DDX10: variants seen among roughly 807,000 people sequenced by gnomAD.
DDX10 encodes probable ATP-dependent RNA helicase DDX10.
DDX10 carries 74 observed loss-of-function variants against 104.3 expected under a neutral mutation model. The observed-to-expected ratio is 0.71, with a 90% CI of 0.59 to 0.86. The LOEUF is 0.86. DDX10 is among the 40% of genes least tolerant of loss of function. The probability of loss-of-function intolerance (pLI) is 0.00; values close to 1 mark genes in which losing one functional copy is unlikely to be tolerated. For synonymous variants in DDX10, 351 were observed against 353.4 expected (o/e 0.99, Z 0.08); for missense variants, 952 against 1,040.0 (o/e 0.92, Z 1.16).
At chr11:108,808,832 A>T (rs1284028531) in intron 13 of DDX10, among the ~76,000 whole-genome samples, 1 of 152,188 alleles carries the variant, frequency 6.6e-6, no homozygotes, top group African/African-American at 2.4e-5. Flanking sequence ...AATATATTTT[A>T]TTGAATGTGA....
chr11:108,904,816 A>G (rs867123025), intron 16 of DDX10, among the ~76,000 whole-genome samples: 28 of 152,124 alleles, frequency 1.8e-4, no homozygotes, highest in South Asian at 1.2e-3. Flanking sequence ...TACTAACTCC[A>G]TGGCTATTTT....
intron 13 of DDX10, among the ~76,000 whole-genome samples, chr11:108,831,425 A>G (rs965762739): frequency 5.3e-5 from 8 of 149,602 alleles, no homozygotes; most frequent in South Asian, 2.1e-4. Flanking sequence ...CTGTCTCAAA[A>G]AAAAAAAAAA....
chr11:108,866,194 C>A (rs1863006139), intron 16 of DDX10, among the ~76,000 whole-genome samples: 1 of 152,116 alleles, frequency 6.6e-6, no homozygotes, highest in East Asian at 1.9e-4. Context: ...GTCACAAATC[C>A]TGGGGAACAG....
chr11:108,670,799 AT>A (rs200494978), intron 1 of DDX10, among the ~76,000 whole-genome samples: 49 of 148,398 alleles, frequency 3.3e-4, no homozygotes, highest in African/African-American at 5.4e-4. Context: ...TCAAATCCTG[AT>A]TTTTTTTTTT....
Position 108,678,434 on chromosome 11 carries a change from A to T in DDX10, c.657A>T (p.Leu219Phe). The T allele has an allele frequency of 6.3e-7, 1 of 1,581,156 alleles. No individual in the cohort carries two copies. Among genetic ancestry groups the T allele is most frequent in the Non-Finnish European group, 8.6e-7 (1 of 1,167,984 alleles). Residue 219 changes from leucine (L) to phenylalanine (F), a missense_variant and splice_region_variant, in exon 5 of 18, where the codon TTA becomes TTT. By Grantham distance (22) the Leu-to-Phe change is conservative (BLOSUM62 0). This residue lies in a region of DDX10 where 412 missense variants were observed against 479.2 expected (regional missense o/e 0.86). Coordinates refer to ENST00000322536, the MANE Select transcript of DDX10 (RefSeq NM_004398.4). ...VSFHATDLQM[L>F]VLDEADRILD... ...TTCATGCTACCGACCTCCAAATGTT[A>T]GGTGAGTCAAATCAATTTCTAATTT...
chr11:108,920,177 T>C (rs1863804657), intron 17 of DDX10: 1 of 151,884 alleles, frequency 6.6e-6, no homozygotes, highest in Non-Finnish European at 1.5e-5. Flanking sequence ...AGATGGAGAG[T>C]TGGAAGAAGC....
chr11:108,887,944 G>C (rs546594862), intron 16 of DDX10, among the ~76,000 whole-genome samples: 1 of 95,862 alleles, frequency 1.0e-5, no homozygotes, highest in Non-Finnish European at 2.2e-5. Context: ...AAAAAGAAAA[G>C]AAATACAGCT....
intron 16 of DDX10, among the ~76,000 whole-genome samples, chr11:108,891,229 T>G (rs548012934): frequency 5.6e-4 from 85 of 152,282 alleles, no homozygotes; most frequent in African/African-American, 1.9e-3. Flanking sequence ...ATTTTTACAT[T>G]TTTAAAAAAC....
At chr11:108,746,434 CCATT>C (rs2094331942) in intron 13 of DDX10, among the ~76,000 whole-genome samples, 1 of 151,796 alleles carries the variant, frequency 6.6e-6, no homozygotes, top group Non-Finnish European at 1.5e-5. Flanking sequence ...TTTTGTTTAT[CCATT>C]CATCAGTTAA....
intron 12 of DDX10, among the ~76,000 whole-genome samples, chr11:108,721,333 A>T (rs2094298117): frequency 1.3e-5 from 2 of 152,198 alleles, no homozygotes. Context: ...TTGTTTGCTC[A>T]TATGTTTAAA....
intron 13 of DDX10, among the ~76,000 whole-genome samples, chr11:108,729,248 C>T (rs574396202): frequency 1.6e-4 from 25 of 152,140 alleles, no homozygotes; most frequent in Non-Finnish European, 2.5e-4. Flanking sequence ...AGTGACACTA[C>T]GTAATACCTC....
chr11:108,889,148 A>G (rs952138053), intron 16 of DDX10, among the ~76,000 whole-genome samples: 1 of 152,130 alleles, frequency 6.6e-6, no homozygotes, highest in Non-Finnish European at 1.5e-5. Context: ...TTCAGCTTTT[A>G]TTATTACATA....
chr11:108,917,446 A>G (rs1367895987), intron 16 of DDX10, among the ~76,000 whole-genome samples: 2 of 151,944 alleles, frequency 1.3e-5, no homozygotes, highest in Non-Finnish European at 2.9e-5. Context: ...GCTGGTGTGC[A>G]ATGGCTATTC....
chr11:108,875,686 A>G (rs976637835), intron 16 of DDX10, among the ~76,000 whole-genome samples: 16 of 152,214 alleles, frequency 1.1e-4, no homozygotes, highest in Admixed American at 6.5e-5. Context: ...ATCTAAAGCT[A>G]ACATCTAATA....
chr11:108,803,712 A>G (rs934349877), intron 13 of DDX10, among the ~76,000 whole-genome samples: 6 of 152,184 alleles, frequency 3.9e-5, no homozygotes, highest in Non-Finnish European at 1.5e-5. Flanking sequence ...ATATACTTAA[A>G]GTGTAATTTT....
intron 16 of DDX10, among the ~76,000 whole-genome samples, chr11:108,913,598 G>A (rs750827841): frequency 5.9e-5 from 9 of 152,100 alleles, no homozygotes; most frequent in Admixed American, 6.5e-5. Context: ...ATGGGAGACA[G>A]GTTTGCCTGA....
At chr11:108,692,597 C>A (rs180977433) in intron 8 of DDX10, among the ~76,000 whole-genome samples, 1 of 152,280 alleles carries the variant, frequency 6.6e-6, no homozygotes, top group East Asian at 1.9e-4. Context: ...CCTTCAGTCA[C>A]TTAATTTTAT....
rs563598190 is a variant in DDX10 at position 108,821,796 on chromosome 11, C to T, written c.1966-16650C>T. Among the ~76,000 whole-genome samples the T allele has an allele frequency of 7.2e-5, 11 of 152,210 alleles. No homozygotes were observed. The South Asian group carries it at 2.3e-3, about 32-fold the overall frequency. ...ACATAAACCACCCTAAAATGCCTTT[C>T]AGTAAGTAAAAGGAACCATTTTAGA... is the stretch of plus-strand genomic sequence containing the variant. On this transcript the variant is annotated intron_variant, in intron 13 of 17. Transcript: ENST00000322536.
chr11:108,786,296 A>T (rs1861789479), intron 13 of DDX10, among the ~76,000 whole-genome samples: 1 of 151,856 alleles, frequency 6.6e-6, no homozygotes, highest in South Asian at 2.1e-4. Context: ...TGAATATGTT[A>T]CATGTGCACC....
Sources: allele counts gnomAD v4.1 joint callset (sites outside exome capture counted in the v4.1 genomes callset), GRCh38; gene constraint gnomAD v4.1.1; regional missense constraint gnomAD v4.1.1; transcripts MANE v1.5; gene names NCBI Gene and HGNC (gene_info 2026-07-23, HGNC 2026-07-21).